TRAPPC11: variants seen among roughly 807,000 people sequenced by gnomAD.
TRAPPC11 encodes foie gras homolog.
In TRAPPC11, 104 loss-of-function variants were observed where a neutral mutation model predicts 151.2. That is an observed-to-expected ratio of 0.69 (90% confidence interval 0.59 to 0.81). The LOEUF (loss-of-function observed/expected upper bound fraction) is 0.81. Ranked by LOEUF, TRAPPC11 falls within the 30% of genes least tolerant of loss-of-function variation. The pLI, the probability that TRAPPC11 is intolerant of heterozygous loss-of-function variation, is 0.00. For missense variants in TRAPPC11, 1,230 were observed against 1,349.6 expected, an observed-to-expected ratio of 0.91 and a Z score of 1.39; for synonymous variants, 456 against 472.3, an observed-to-expected ratio of 0.97 and a Z score of 0.45.
chr4:183,675,951 A>G (rs912449541), intron 7 of TRAPPC11, among the ~76,000 whole-genome samples: 1 of 152,220 alleles, frequency 6.6e-6, no homozygotes, highest in African/African-American at 2.4e-5. Flanking sequence ...CTTTTTGAAG[A>G]CAAAGGTATT....
At chr4:183,705,837 A>G (rs1737028121) in intron 27 of TRAPPC11, 1 of 152,198 alleles carries the variant, frequency 6.6e-6, no homozygotes, top group Non-Finnish European at 1.5e-5. Context: ...TCTGTCCATC[A>G]TTCTTTCTTT....
At position 183,712,772 on chromosome 4, in the gene TRAPPC11, C is replaced by T; in HGVS notation, c.*128C>T. 1 of 841,974 alleles carries T rather than the reference C, an allele frequency of 1.2e-6. No homozygotes were observed. The highest frequency in any genetic ancestry group is 1.9e-6 in the Non-Finnish European group (1 of 523,818). 52.2% of individuals were successfully genotyped at this position (841,974 alleles called of 1,614,324 possible). A position where few individuals can be genotyped will look rare whatever the true frequency, so the allele number is the denominator to read the frequency against. Reference sequence around the variant, plus strand: ...TTTCTATTTTTTAATGGATGTTATACCAACTATTCAGAGGAACTCATACTT... The same window carrying T: ...TTTCTATTTTTTAATGGATGTTATATCAACTATTCAGAGGAACTCATACTT... On this transcript the variant is annotated 3_prime_UTR_variant, in exon 30 of 30. Coordinates refer to ENST00000334690, the MANE Select transcript of TRAPPC11 (RefSeq NM_021942.6).
chr4:183,701,656 T>C (rs1246200840), intron 25 of TRAPPC11, 41 bp from the exon 26 acceptor site: 4 of 1,370,830 alleles, frequency 2.9e-6, no homozygotes, highest in Non-Finnish European at 4.2e-6. Context: ...CTTTTGTAGA[T>C]GAAACCATTG....
At chr4:183,662,954 T>C (rs1287891046) in intron 1 of TRAPPC11, among the ~76,000 whole-genome samples, 1 of 152,226 alleles carries the variant, frequency 6.6e-6, no homozygotes, top group Admixed American at 6.5e-5. Context: ...CATATAGTTA[T>C]TACATTTTAA....
At chr4:183,671,085 C>T (rs1579166797) in intron 5 of TRAPPC11, among the ~76,000 whole-genome samples, 1 of 152,212 alleles carries the variant, frequency 6.6e-6, no homozygotes, top group African/African-American at 2.4e-5. Context: ...AGGCTGGTCT[C>T]GAACTCCTGA....
At chr4:183,661,382 T>G (rs868747165) in intron 1 of TRAPPC11, among the ~76,000 whole-genome samples, 241 of 141,490 alleles carry the variant, frequency 1.7e-3, no homozygotes, top group Non-Finnish European at 3.1e-3. Flanking sequence ...TTTTTTTTTT[T>G]TTTTGAGACG....
At chr4:183,668,214 A>T in intron 5 of TRAPPC11, 97 bp downstream of exon 5, 1 of 671,328 alleles carries the variant, frequency 1.5e-6, no homozygotes, top group Admixed American at 3.0e-5. Context: ...AATCATGTTC[A>T]TGAAAAACAT....
chr4:183,685,852 G>A, intron 17 of TRAPPC11, among the ~76,000 whole-genome samples: 1 of 150,060 alleles, frequency 6.7e-6, no homozygotes, highest in Admixed American at 6.6e-5. Flanking sequence ...TTTCTTTTTC[G>A]AGACAGGGTC....
chr4:183,707,876 C>G (rs542843663), intron 28 of TRAPPC11, among the ~76,000 whole-genome samples: 1 of 151,986 alleles, frequency 6.6e-6, no homozygotes, highest in East Asian at 1.9e-4. Flanking sequence ...TAAAATCTTA[C>G]CAGTTAGTAT....
chr4:183,664,191 A>G lies in TRAPPC11; in HGVS notation c.204+120A>G, dbSNP rs1725471869. On this transcript the variant is annotated intron_variant, in intron 2 of 29. Transcript: ENST00000334690. ...AGACAGTGGTCACAGTGGTGCATAA[A>G]GAAAGCCTTAGGCATTTTCATGTAA... 1.3e-5 allele frequency: 11 copies of G among 817,518 alleles called. 1 individual carries two copies. In the Middle Eastern group the frequency reaches 1.9e-3, roughly 139 times the overall value. The allele number at this position is 817,518 out of a possible 1,614,324, so 50.6% of individuals were successfully genotyped here.
chr4:183,671,478 G>A (rs1735155596), intron 5 of TRAPPC11, among the ~76,000 whole-genome samples: 1 of 152,110 alleles, frequency 6.6e-6, no homozygotes, highest in African/African-American at 2.4e-5. Flanking sequence ...TGCTGCTCCT[G>A]CTTCTGCTCT....
intron 29 of TRAPPC11, among the ~76,000 whole-genome samples, chr4:183,709,281 T>C (rs1737225430): frequency 6.6e-6 from 1 of 152,234 alleles, no homozygotes; most frequent in Non-Finnish European, 1.5e-5. Context: ...TATTGCTCAC[T>C]ACTTCCTTTT....
Position 183,679,407 on chromosome 4 carries a change from C to T in TRAPPC11, c.886C>T (p.Arg296Ter), listed in dbSNP as rs374498633. ...CCCATTGGATGCAATTGCTCAGTTCCGAAAACACATCGACTTGTGTAAGAA... is the reference window on the plus strand; with the variant it reads ...CCCATTGGATGCAATTGCTCAGTTCTGAAAACACATCGACTTGTGTAAGAA... ...NTPLDAIAQF[R>*]KHIDLCKKKI... The change falls in exon 9 of 30, where the codon CGA (arginine) becomes TGA (stop). Residue 296 changes from arginine to a stop codon, truncating the protein, a stop_gained. Transcript: ENST00000334690. LOFTEE classifies it high-confidence loss of function. The T allele has an allele frequency of 6.8e-6, 11 of 1,612,682 alleles. No homozygotes were observed. The highest frequency in any genetic ancestry group is 1.7e-5 in the Admixed American group (1 of 59,816).
Position 183,697,668 on chromosome 4 carries a change from A to C in TRAPPC11, c.2695-11A>C. 6.2e-7 allele frequency: 1 copy of C among 1,613,490 alleles called. No individual in the cohort carries two copies. Among genetic ancestry groups the C allele is most frequent in the Non-Finnish European group, 8.5e-7 (1 of 1,179,764 alleles). ...AATTCCTGACAGACCTTTTATCTTCATTTGTGACAGTTTGAGCACCTGGAA... is the reference window on the plus strand; with the variant it reads ...AATTCCTGACAGACCTTTTATCTTCCTTTGTGACAGTTTGAGCACCTGGAA... On this transcript the variant is annotated splice_polypyrimidine_tract_variant and intron_variant, in intron 24 of 29. Transcript: ENST00000334690.
At chr4:183,660,839 G>A (rs1379412540) in intron 1 of TRAPPC11, among the ~76,000 whole-genome samples, 1 of 152,124 alleles carries the variant, frequency 6.6e-6, no homozygotes, top group Non-Finnish European at 1.5e-5. Flanking sequence ...TCAGCCTCCC[G>A]AGTAGCTGGG....
Position 183,675,169 on chromosome 4 carries a change from A to G in TRAPPC11, c.666A>G (p.Leu222=). The G allele has an allele frequency of 2.0e-6, 3 of 1,503,436 alleles. No individual in the cohort carries two copies. The highest frequency in any genetic ancestry group is 2.7e-6 in the Non-Finnish European group (3 of 1,122,742). 93.1% of individuals were successfully genotyped at this position (1,503,436 alleles called of 1,614,324 possible). A position where few individuals can be genotyped will look rare whatever the true frequency, so the allele number is the denominator to read the frequency against. ...EFLNKTTHQL[L]FVRHQFKIAF... The stretch of plus-strand genomic sequence containing the variant: ...ATTTTTTTGTCTCTTTTTAGCTTTT[A>G]TTTGTTAGGCATCAGTTCAAAATAG... The change falls in exon 7 of 30, where the codon TTA becomes TTG. Residue 222 remains leucine, a synonymous_variant. Transcript: ENST00000334690.
intron 11 of TRAPPC11, among the ~76,000 whole-genome samples, 175 bp downstream of exon 11, chr4:183,683,000 G>A (rs1436164597): frequency 6.6e-6 from 1 of 152,054 alleles, no homozygotes; most frequent in African/African-American, 2.4e-5. Flanking sequence ...ATCTTAGAGT[G>A]ACTTATAATT....
chr4:183,702,055 G>A (rs1466592891), intron 26 of TRAPPC11, among the ~76,000 whole-genome samples: 2 of 152,294 alleles, frequency 1.3e-5, no homozygotes, highest in East Asian at 3.9e-4. Context: ...GTATAAGAAT[G>A]TTCATGGGCT....
intron 23 of TRAPPC11, among the ~76,000 whole-genome samples, chr4:183,697,188 G>C (rs1466782252): frequency 6.6e-6 from 1 of 152,008 alleles, no homozygotes; most frequent in Non-Finnish European, 1.5e-5. Flanking sequence ...GCCGGGCGTG[G>C]TAGTGTGCTC....
Sources: gnomAD v4.1 joint callset for allele counts (sites outside exome capture counted in the v4.1 genomes callset) on GRCh38, gnomAD v4.1.1 for gene constraint, MANE v1.5 for transcripts, NCBI Gene and HGNC (gene_info 2026-07-23, HGNC 2026-07-21) for gene names.